The following EFCAB8 variants were observed in gnomAD, a reference collection of about 807,000 sequenced individuals.
EFCAB8 encodes the protein EF-hand calcium binding domain 8.
In EFCAB8, 100 loss-of-function variants were observed where a neutral mutation model predicts 116.3. The observed-to-expected ratio is 0.86, with a 90% CI of 0.73 to 1.02. The LOEUF is 1.02. Among genes scored for constraint, EFCAB8 ranks in the 50% least tolerant of loss-of-function variants. The probability of loss-of-function intolerance (pLI) is 0.00; values close to 1 mark genes in which losing one functional copy is unlikely to be tolerated. For missense variants in EFCAB8, 1,320 were observed against 1,416.9 expected (o/e 0.93, Z 1.10); for synonymous variants, 558 against 567.9 (o/e 0.98, Z 0.25).
intron 20 of EFCAB8, among the ~76,000 whole-genome samples, chr20:32,928,609 G>A (rs571401159): frequency 6.6e-6 from 1 of 151,688 alleles, no homozygotes; most frequent in South Asian, 2.1e-4. Context: ...CCTTTTTTTT[G>A]GTGTGGGAGC....
intron 23 of EFCAB8, among the ~76,000 whole-genome samples, chr20:32,953,071 T>G (rs941590346): frequency 1.3e-5 from 2 of 152,260 alleles, no homozygotes; most frequent in Non-Finnish European, 2.9e-5. Flanking sequence ...AATAATACAA[T>G]AGTCATCTTT....
chr20:32,900,895 G>T (rs1600401658), intron 11 of EFCAB8, among the ~76,000 whole-genome samples: 1 of 152,174 alleles, frequency 6.6e-6, no homozygotes, highest in Admixed American at 6.5e-5. Flanking sequence ...GTAGAGATGG[G>T]GTTTCACCAT....
intron 1 of EFCAB8, among the ~76,000 whole-genome samples, chr20:32,861,901 A>G (rs1984133616): frequency 6.7e-6 from 1 of 150,100 alleles, no homozygotes; most frequent in East Asian, 2.0e-4. Context: ...ACATGCATAT[A>G]TTCTTAACAG....
chr20:32,870,446 T>A (rs543636736), intron 3 of EFCAB8, among the ~76,000 whole-genome samples: 1 of 152,326 alleles, frequency 6.6e-6, no homozygotes, highest in Admixed American at 6.5e-5. Flanking sequence ...CCACCACCCA[T>A]GTGCCCAGGT....
At position 32,931,345 on chromosome 20, in the gene EFCAB8, A is replaced by C. The variant is rs1308325566; in HGVS notation, c.2790+9A>C. On this transcript the variant is annotated intron_variant, in intron 22 of 26. Coordinates refer to ENST00000400522, the MANE Select transcript of EFCAB8 (RefSeq NM_001143967.2). Reference sequence around the variant, plus strand: ...CCTTGGAGGATAAAGAGGTAGGAGGATTACTGGAGAGTTGCTCAGGAAAGT... The same window carrying C: ...CCTTGGAGGATAAAGAGGTAGGAGGCTTACTGGAGAGTTGCTCAGGAAAGT... 7 of 1,529,310 alleles carry C rather than the reference A, an allele frequency of 4.6e-6. No individual in the cohort carries two copies. Among genetic ancestry groups the C allele is most frequent in the African/African-American group, 2.8e-5 (2 of 72,542 alleles). The allele number at this position is 1,529,310 out of a possible 1,614,324, so 94.7% of individuals were successfully genotyped here.
intron 5 of EFCAB8, 93 bp from the exon 6 acceptor site, chr20:32,885,412 C>T (rs1985570332): frequency 6.7e-7 from 1 of 1,498,702 alleles, no homozygotes; most frequent in Non-Finnish European, 9.0e-7. Flanking sequence ...CGGCTTTTGT[C>T]CCTCCTCCTC....
intron 22 of EFCAB8, among the ~76,000 whole-genome samples, chr20:32,942,966 GT>G (rs1315103648): frequency 6.6e-6 from 1 of 152,036 alleles, no homozygotes; most frequent in Non-Finnish European, 1.5e-5. Flanking sequence ...CCATTGCTTT[GT>G]TTAAAATTTA....
chr20:32,940,028 CCTTCCTTCCTTCCTTCCTTCCTT>C (rs1988350951), intron 22 of EFCAB8, among the ~76,000 whole-genome samples: 2 of 62,702 alleles, frequency 3.2e-5, no homozygotes, highest in Non-Finnish European at 6.6e-5. Context: ...TCCCTCCCTT[CCTTCCTTCCTTCCTTCCTTCCTT>C]CCTTCCTTCC....
chr20:32,864,850 A>G (rs982601206), intron 2 of EFCAB8, among the ~76,000 whole-genome samples: 32 of 152,234 alleles, frequency 2.1e-4, no homozygotes, highest in African/African-American at 6.5e-4. Flanking sequence ...ACTATGAGAC[A>G]AGGAGTAATA....
intron 20 of EFCAB8, among the ~76,000 whole-genome samples, chr20:32,926,943 C>T (rs1242478619): frequency 6.6e-6 from 1 of 150,716 alleles, no homozygotes; most frequent in Non-Finnish European, 1.5e-5. Context: ...CAAGTCTTTG[C>T]TATTGTGAAT....
chr20:32,955,081 T>TA (rs1040700534), intron 23 of EFCAB8, among the ~76,000 whole-genome samples: 1 of 152,148 alleles, frequency 6.6e-6, no homozygotes, highest in African/African-American at 2.4e-5. Flanking sequence ...TGGTTTTACC[T>TA]AAAAAAATGC....
intron 23 of EFCAB8, among the ~76,000 whole-genome samples, chr20:32,951,971 G>C (rs1411814212): frequency 6.6e-6 from 1 of 152,170 alleles, no homozygotes; most frequent in Non-Finnish European, 1.5e-5. Context: ...GCATTTTGAA[G>C]ATCAGTGGCC....
At chr20:32,862,544 T>A (rs1302843929) in intron 1 of EFCAB8, among the ~76,000 whole-genome samples, 1 of 152,174 alleles carries the variant, frequency 6.6e-6, no homozygotes, top group African/African-American at 2.4e-5. Flanking sequence ...GGTCCTTAGG[T>A]GTGAGCTGTT....
intron 7 of EFCAB8, among the ~76,000 whole-genome samples, chr20:32,890,508 C>T (rs1436853996): frequency 1.3e-5 from 2 of 152,222 alleles, no homozygotes. Context: ...TCAGGGACTG[C>T]ATCTGTTCTG....
chr20:32,936,363 G>A (rs1439235184), intron 22 of EFCAB8, among the ~76,000 whole-genome samples: 1 of 152,160 alleles, frequency 6.6e-6, no homozygotes, highest in East Asian at 1.9e-4. Flanking sequence ...TGTGCTTTTG[G>A]GGTCATAGCT....
In EFCAB8 at chr20:32,878,703, G is replaced by T; in HGVS notation, c.328-1G>T. ...CTCCCTTGTGCTTTCTTTCGAGGCAGCAAAAGTATGTGGATTACATGATGC... is the reference window on the plus strand; with the variant it reads ...CTCCCTTGTGCTTTCTTTCGAGGCATCAAAAGTATGTGGATTACATGATGC... On this transcript the variant is annotated splice_acceptor_variant, in intron 4 of 26. Transcript: ENST00000400522. LOFTEE classifies it high-confidence loss of function. 6.4e-7 allele frequency: 1 copy of T among 1,551,570 alleles called. No individual in the cohort carries two copies. Among genetic ancestry groups the T allele is most frequent in the East Asian group, 2.4e-5 (1 of 40,908 alleles).
chr20:32,868,420 A>G (rs1984529881), intron 3 of EFCAB8, among the ~76,000 whole-genome samples: 1 of 152,158 alleles, frequency 6.6e-6, no homozygotes, highest in Non-Finnish European at 1.5e-5. Context: ...TTATGTAGGT[A>G]TTGCAAGCAT....
intron 20 of EFCAB8, among the ~76,000 whole-genome samples, chr20:32,929,099 T>G (rs894247166): frequency 2.0e-5 from 3 of 152,116 alleles, no homozygotes; most frequent in African/African-American, 7.2e-5. Flanking sequence ...TTTGATAATT[T>G]TTAAATATCA....
chr20:32,936,036 A>C (rs1988108949), intron 22 of EFCAB8, among the ~76,000 whole-genome samples: 1 of 150,914 alleles, frequency 6.6e-6, no homozygotes, highest in Non-Finnish European at 1.5e-5. Context: ...TTTTATTTTT[A>C]TTTTTTATTT....
Sources: gnomAD v4.1 joint callset for allele counts (sites outside exome capture counted in the v4.1 genomes callset) on GRCh38, gnomAD v4.1.1 for gene constraint, MANE v1.5 for transcripts, NCBI Gene and HGNC (gene_info 2026-07-23, HGNC 2026-07-21) for gene names.